Variants in THSD7A observed in about 807,000 individuals in gnomAD.
THSD7A encodes the protein thrombospondin type-1 domain-containing protein 7A.
In THSD7A, 96 loss-of-function variants were observed where a neutral mutation model predicts 231.3. The observed-to-expected ratio is 0.41, with a 90% CI of 0.35 to 0.49. THSD7A has a LOEUF of 0.49. Among genes scored for constraint, THSD7A ranks in the 20% least tolerant of loss-of-function variants. The pLI is 0.05. For missense variants in THSD7A, 2,290 were observed against 2,070.2 expected (o/e 1.11, Z -2.06); for synonymous variants, 940 against 743.3 (o/e 1.26, Z -4.30).
At chr7:11,684,301 G>A (rs577164550) in intron 1 of THSD7A, among the ~76,000 whole-genome samples, 1 of 151,536 alleles carries the variant, frequency 6.6e-6, no homozygotes, top group African/African-American at 2.4e-5. Flanking sequence ...AAAGTTGGAA[G>A]CATTCCTCAT....
chr7:11,600,236 T>A (rs991514743), intron 2 of THSD7A, among the ~76,000 whole-genome samples: 2 of 152,184 alleles, frequency 1.3e-5, no homozygotes, highest in South Asian at 4.1e-4. Context: ...TTAATATCAC[T>A]TGAAACTTTA....
In THSD7A at chr7:11,376,616, C is replaced by T. The variant is rs769365127; in HGVS notation, c.4843G>A (p.Ala1615Thr). 1 of 1,588,508 alleles carries T rather than the reference C, an allele frequency of 6.3e-7. No homozygotes were observed. Among genetic ancestry groups the T allele is most frequent in the African/African-American group, 1.3e-5 (1 of 74,282 alleles). The change falls in exon 27 of 28, where the codon GCA becomes ACA. Residue 1615 changes from alanine (A) to threonine (T), a missense_variant. Coordinates refer to ENST00000423059, the MANE Select transcript of THSD7A (RefSeq NM_015204.3). Reference sequence around the variant, plus strand: ...ACAATAAAGATGAGTAACACAAATGCCCCAGCTGCTACACCGTAAACCCAG... The same window carrying T: ...ACAATAAAGATGAGTAACACAAATGTCCCAGCTGCTACACCGTAAACCCAG... ...KTWVYGVAAGAFVLLIFIVSM... is the reference protein window; with the variant it reads ...KTWVYGVAAGTFVLLIFIVSM...
In THSD7A at chr7:11,583,501, C is replaced by A. The variant is rs138261616; in HGVS notation, c.1453+6959G>T. ...ATGTTGCACAGTCTGGTCTCGAACTCCCAGACTCAAGTTATCCACCCGCCT... is the reference window on the plus strand; with the variant it reads ...ATGTTGCACAGTCTGGTCTCGAACTACCAGACTCAAGTTATCCACCCGCCT... On this transcript the variant is annotated intron_variant, in intron 4 of 27. Coordinates refer to ENST00000423059, the MANE Select transcript of THSD7A (RefSeq NM_015204.3). 1.2e-3 allele frequency among the ~76,000 whole-genome samples: 186 copies of A among 152,186 alleles called. 1 individual carries two copies. Among genetic ancestry groups the A allele is most frequent in the African/African-American group, 4.3e-3 (180 of 41,530 alleles).
chr7:11,503,065 T>C (rs929438909), intron 6 of THSD7A, among the ~76,000 whole-genome samples: 1 of 152,132 alleles, frequency 6.6e-6, no homozygotes, highest in African/African-American at 2.4e-5. Context: ...CAAACTATAC[T>C]ACAAGGCTTC....
intron 1 of THSD7A, among the ~76,000 whole-genome samples, chr7:11,817,347 A>C (rs774846203): frequency 8.5e-5 from 13 of 152,228 alleles, no homozygotes; most frequent in Non-Finnish European, 1.8e-4. Flanking sequence ...AACCTCCAGC[A>C]TTGCCTGCAT....
Position 11,459,743 on chromosome 7 carries a change from T to C in THSD7A, c.2605+919A>G, listed in dbSNP as rs562785701. Among the ~76,000 whole-genome samples, 29 of 143,504 alleles carry C rather than the reference T, an allele frequency of 2.0e-4. No individual in the cohort carries two copies. The East Asian group carries it at 5.2e-3, about 26-fold the overall frequency. 94.1% of individuals were successfully genotyped at this position (143,504 alleles called of 152,430 possible). ...TTTTTCTTAAAAAGGCAGTTTTTTT[T>C]CACTGTACAGAAAATGAAGTCCCAG... is the stretch of plus-strand genomic sequence containing the variant. On this transcript the variant is annotated intron_variant, in intron 11 of 27. Coordinates refer to ENST00000423059, the MANE Select transcript of THSD7A (RefSeq NM_015204.3).
At chr7:11,600,250 G>T (rs1780503309) in intron 2 of THSD7A, among the ~76,000 whole-genome samples, 1 of 151,892 alleles carries the variant, frequency 6.6e-6, no homozygotes, top group African/African-American at 2.4e-5. Context: ...AACTTTACAG[G>T]CAATTATAAT....
chr7:11,769,773 C>A (rs975519153), intron 1 of THSD7A, among the ~76,000 whole-genome samples: 1 of 152,006 alleles, frequency 6.6e-6, no homozygotes, highest in African/African-American at 2.4e-5. Context: ...TTATTTGTGG[C>A]AGTTAAATTC....
chr7:11,569,324 TG>T (rs1165027136), intron 4 of THSD7A, among the ~76,000 whole-genome samples: 1 of 152,014 alleles, frequency 6.6e-6, no homozygotes, highest in Non-Finnish European at 1.5e-5. Context: ...GGAACTCAAC[TG>T]CAATAATAAT....
intron 1 of THSD7A, among the ~76,000 whole-genome samples, chr7:11,776,869 G>C (rs918981015): frequency 1.3e-5 from 2 of 152,024 alleles, no homozygotes; most frequent in Non-Finnish European, 2.9e-5. Flanking sequence ...TTTCTCGTCA[G>C]GCCTAGTATA....
At chr7:11,635,435 A>C (rs1347107900) in intron 2 of THSD7A, among the ~76,000 whole-genome samples, 1 of 152,212 alleles carries the variant, frequency 6.6e-6, no homozygotes, top group Non-Finnish European at 1.5e-5. Context: ...TTTTCACAAT[A>C]AGTAAATCAT....
intron 1 of THSD7A, among the ~76,000 whole-genome samples, chr7:11,731,616 G>C (rs1363329712): frequency 1.3e-5 from 2 of 151,492 alleles, no homozygotes; most frequent in African/African-American, 4.8e-5. Context: ...ATCATGTGTG[G>C]AGTTTGAATA....
At chr7:11,712,801 C>G (rs1266557372) in intron 1 of THSD7A, among the ~76,000 whole-genome samples, 1 of 150,962 alleles carries the variant, frequency 6.6e-6, no homozygotes, top group African/African-American at 2.4e-5. Flanking sequence ...TGAAACTGTT[C>G]TGTTCTCCAT....
Position 11,374,808 on chromosome 7 carries a change from A to G in THSD7A, c.*986T>C, listed in dbSNP as rs1583625650. On this transcript the variant is annotated 3_prime_UTR_variant, in exon 28 of 28. Coordinates refer to ENST00000423059, the MANE Select transcript of THSD7A (RefSeq NM_015204.3). ...GCTGCAGTGATGAGGAAGTGTGTGT[A>G]CAGCAGGTGTAATAGCTGATTTCAT... The G allele has an allele frequency of 6.6e-6, 1 of 152,078 alleles. No individual in the cohort carries two copies. The highest frequency in any genetic ancestry group is 2.4e-5 in the African/African-American group (1 of 41,412). The allele number at this position is 152,078 out of a possible 1,614,324, so 9.4% of individuals were successfully genotyped here. A position where few individuals can be genotyped will look rare whatever the true frequency, so the allele number is the denominator to read the frequency against.
At chr7:11,713,583 G>A (rs988804762) in intron 1 of THSD7A, among the ~76,000 whole-genome samples, 9 of 151,252 alleles carry the variant, frequency 6.0e-5, no homozygotes, top group Non-Finnish European at 7.4e-5. Flanking sequence ...ACTTTATTGC[G>A]TATATCAGGA....
intron 1 of THSD7A, among the ~76,000 whole-genome samples, chr7:11,827,654 C>T (rs1785070732): frequency 6.6e-6 from 1 of 151,848 alleles, no homozygotes; most frequent in African/African-American, 2.4e-5. Flanking sequence ...TTTAATGATC[C>T]CTCCCACTCC....
intron 4 of THSD7A, among the ~76,000 whole-genome samples, chr7:11,588,908 T>A (rs1220856265): frequency 6.6e-6 from 1 of 152,228 alleles, no homozygotes; most frequent in East Asian, 1.9e-4. Context: ...AATGTATCCC[T>A]AGGCTAGACT....
intron 1 of THSD7A, among the ~76,000 whole-genome samples, chr7:11,728,423 C>T (rs904881276): frequency 1.3e-5 from 2 of 151,790 alleles, no homozygotes; most frequent in Non-Finnish European, 2.9e-5. Flanking sequence ...TTTTCCCAAA[C>T]AAATATATGA....
chr7:11,659,173 C>T (rs573966262), intron 1 of THSD7A, among the ~76,000 whole-genome samples: 43 of 151,786 alleles, frequency 2.8e-4, no homozygotes, highest in African/African-American at 1.0e-3. Context: ...CCCAGTTACA[C>T]ATTTGGTTAC....
Sources: allele counts gnomAD v4.1 joint callset (sites outside exome capture counted in the v4.1 genomes callset), GRCh38; gene constraint gnomAD v4.1.1; transcripts MANE v1.5; gene names NCBI Gene and HGNC (gene_info 2026-07-23, HGNC 2026-07-21).